The following ARMC2 variants were observed in gnomAD, a reference collection of about 807,000 sequenced individuals.
The protein encoded by ARMC2 is armadillo repeat containing 2, also known as armadillo repeat-containing protein 2.
In ARMC2, 67 loss-of-function variants were observed where a neutral mutation model predicts 90.3. That is an observed-to-expected ratio of 0.74 (90% CI 0.61 to 0.91). The LOEUF is 0.91. ARMC2 is among the 40% of genes least tolerant of loss of function. The pLI, the probability that ARMC2 is intolerant of heterozygous loss-of-function variation, is 0.00. For missense variants in ARMC2, 920 were observed against 1,030.9 expected (o/e 0.89, Z 1.47); for synonymous variants, 393 against 393.0 (o/e 1.00, Z 0.00).
intron 8 of ARMC2, among the ~76,000 whole-genome samples, chr6:108,907,098 G>A (rs141174300): frequency 1.3e-5 from 2 of 152,118 alleles, no homozygotes; most frequent in Admixed American, 6.5e-5. Flanking sequence ...AGCAGGCCTG[G>A]AAATTGTAGT....
At chr6:109,039,246 CA>C in the ARMC2 span, among the ~76,000 whole-genome samples, 2 of 152,004 alleles carry the variant, frequency 1.3e-5, no homozygotes, top group East Asian at 3.9e-4. Flanking sequence ...AGACCATGAC[CA>C]AAGATAAATT....
chr6:108,999,490 TTTACTC>T, the ARMC2 span, among the ~76,000 whole-genome samples: 1 of 152,166 alleles, frequency 6.6e-6, no homozygotes, highest in Non-Finnish European at 1.5e-5. Context: ...TCAATCTACT[TTTACTC>T]TATTATCTCT....
chr6:108,874,074 C>T (rs569251718), intron 4 of ARMC2, among the ~76,000 whole-genome samples: 5 of 152,206 alleles, frequency 3.3e-5, no homozygotes, highest in Admixed American at 1.3e-4. Flanking sequence ...AGTTTACCCA[C>T]GATCCATTAC....
chr6:108,956,384 T>C (rs891236840), intron 13 of ARMC2, among the ~76,000 whole-genome samples: 3 of 151,866 alleles, frequency 2.0e-5, no homozygotes, highest in African/African-American at 7.3e-5. Flanking sequence ...CAAAAGAAAG[T>C]GATGCTTTGG....
the ARMC2 span, among the ~76,000 whole-genome samples, chr6:109,023,443 G>T: frequency 6.6e-6 from 1 of 152,142 alleles, no homozygotes. Flanking sequence ...TCCAAAATAT[G>T]ATCCACTATG....
chr6:108,932,516 CTTTTTTTTT>C (rs60000198), intron 11 of ARMC2, among the ~76,000 whole-genome samples: 4 of 77,894 alleles, frequency 5.1e-5, no homozygotes, highest in South Asian at 6.2e-4. Flanking sequence ...TTCTCCATTG[CTTTTTTTTT>C]TTTTTTTTTT....
In ARMC2 at chr6:108,954,691, G is replaced by A. The variant is rs114549115; in HGVS notation, c.1915+1340G>A. Among the ~76,000 whole-genome samples, 669 of 152,292 alleles carry A rather than the reference G, an allele frequency of 4.4e-3. 10 individuals are homozygous for A. The highest frequency in any genetic ancestry group is 0.015 in the African/African-American group (636 of 41,550). The stretch of plus-strand genomic sequence containing the variant: ...GTTGTTGTTTTGGAAGGAAGCTAAT[G>A]TCTGACACAAATGATGTTTTGGAGG... On this transcript the variant is annotated intron_variant, in intron 13 of 17. Transcript: ENST00000392644.
Position 108,973,738 on chromosome 6 carries a change from GATGAAAATATGTGC to G in ARMC2, c.*227_*240del. 5.2e-6 allele frequency: 2 copies of G among 385,478 alleles called. No individual in the cohort carries two copies. The highest frequency in any genetic ancestry group is 7.5e-5 in the South Asian group (1 of 13,392). 23.9% of individuals were successfully genotyped at this position (385,478 alleles called of 1,614,324 possible). A position where few individuals can be genotyped will look rare whatever the true frequency, so the allele number is the denominator to read the frequency against. ...ATATTTCCTGTTGAGAGAAATGTAAGATGAAAATATGTGCATTTTCAAGTAAATGACTTTTTCTT... is the reference window on the plus strand; with the variant it reads ...ATATTTCCTGTTGAGAGAAATGTAAGATTTTCAAGTAAATGACTTTTTCTT... On this transcript the variant is annotated 3_prime_UTR_variant, in exon 18 of 18. Coordinates refer to ENST00000392644, the MANE Select transcript of ARMC2 (RefSeq NM_032131.6).
the ARMC2 span, among the ~76,000 whole-genome samples, chr6:109,004,326 A>G: frequency 1.3e-5 from 2 of 152,234 alleles, no homozygotes; most frequent in Non-Finnish European, 2.9e-5. Flanking sequence ...AAATAAATAT[A>G]TACAAAGTCA....
the ARMC2 span, chr6:108,987,358 C>T: frequency 4.1e-6 from 2 of 486,268 alleles, no homozygotes; most frequent in Non-Finnish European, 3.6e-6. Context: ...AAACTTGAAG[C>T]TGCCAAACAG....
chr6:109,000,238 T>G, the ARMC2 span: 136 of 295,898 alleles, frequency 4.6e-4, no homozygotes, highest in Middle Eastern at 9.3e-4. Context: ...CATTAGGCAT[T>G]TGTCAAAATG....
the ARMC2 span, chr6:108,999,175 GAATTTTTAAGATAGTGGCTTGAAC>G: frequency 1.3e-5 from 2 of 153,176 alleles, no homozygotes; most frequent in Non-Finnish European, 2.9e-5. Context: ...CCTCCTCAAG[GAATTTTTAAGATAGTGGCTTGAAC>G]AACTTGATTA....
At chr6:108,857,016 T>G (rs1774700364) in intron 2 of ARMC2, among the ~76,000 whole-genome samples, 1 of 151,934 alleles carries the variant, frequency 6.6e-6, no homozygotes, top group Non-Finnish European at 1.5e-5. Context: ...CCTTTTAATT[T>G]GTTCTTCTTG....
chr6:108,904,024 A>G (rs191694211), intron 7 of ARMC2, among the ~76,000 whole-genome samples: 39 of 152,364 alleles, frequency 2.6e-4, no homozygotes, highest in African/African-American at 8.7e-4. Flanking sequence ...CTGATAAGCA[A>G]TAAGTCAACA....
At chr6:108,852,189 A>G (rs1268883143) in intron 1 of ARMC2, among the ~76,000 whole-genome samples, 1 of 152,208 alleles carries the variant, frequency 6.6e-6, no homozygotes, top group African/African-American at 2.4e-5. Flanking sequence ...AGTTTAACAA[A>G]TATCAATTTA....
intron 12 of ARMC2, among the ~76,000 whole-genome samples, chr6:108,938,029 A>G (rs1219602286): frequency 6.6e-6 from 1 of 152,186 alleles, no homozygotes; most frequent in African/African-American, 2.4e-5. Context: ...ATAAGTTTTT[A>G]AATATTCGTT....
chr6:108,920,449 G>A (rs984096221), intron 10 of ARMC2, among the ~76,000 whole-genome samples: 2 of 152,078 alleles, frequency 1.3e-5, no homozygotes, highest in African/African-American at 2.4e-5. Context: ...AACCACTCAC[G>A]TGCCCAGTTG....
chr6:108,900,510 A>G (rs575194572), intron 7 of ARMC2, among the ~76,000 whole-genome samples: 2 of 152,302 alleles, frequency 1.3e-5, no homozygotes, highest in Admixed American at 1.3e-4. Context: ...AGTGCACAGT[A>G]AGCCTTTGCT....
chr6:108,912,353 TAAG>T lies in ARMC2; in HGVS notation c.1149_1151del (p.Arg383del), dbSNP rs1233978062. ...TTGACAGAATCATTATTGGAGGTAC[TAAG>T]AAGTGAAGACCTGCAAACTAACATG... On this transcript the variant is annotated inframe_deletion, in exon 10 of 18. Coordinates refer to ENST00000392644, the MANE Select transcript of ARMC2 (RefSeq NM_032131.6). 8 of 1,607,124 alleles carry T rather than the reference TAAG, an allele frequency of 5.0e-6. No individual in the cohort carries two copies. The highest frequency in any genetic ancestry group is 6.8e-6 in the Non-Finnish European group (8 of 1,177,048).
Sources: allele counts gnomAD v4.1 joint callset (sites outside exome capture counted in the v4.1 genomes callset), GRCh38; gene constraint gnomAD v4.1.1; transcripts MANE v1.5; gene names NCBI Gene and HGNC (gene_info 2026-07-23, HGNC 2026-07-21).